The following MCM3 variants were observed in gnomAD, a reference collection of about 807,000 sequenced individuals.
The protein encoded by MCM3 is DNA replication licensing factor MCM3.
A neutral mutation model predicts 91.3 loss-of-function variants in MCM3; 59 were observed. The ratio of observed to expected loss-of-function variants is 0.65; its 90% CI spans 0.52 to 0.80. The LOEUF is 0.80. MCM3 is among the 30% of genes least tolerant of loss of function. The pLI, the probability that MCM3 is intolerant of heterozygous loss-of-function variation, is 0.00. For synonymous variants in MCM3, 383 were observed against 379.6 expected (o/e 1.01, Z -0.10); for missense variants, 919 against 1,035.4 (o/e 0.89, Z 1.54).
rs780295277 is a variant in MCM3 at position 52,282,195 on chromosome 6, A to G, written c.401-20T>C. The G allele has an allele frequency of 1.2e-5, 20 of 1,613,704 alleles. No individual in the cohort carries two copies. The highest frequency in any genetic ancestry group is 1.6e-4 in the Middle Eastern group (1 of 6,082). Reference sequence around the variant, plus strand: ...GAGAACCTAGGGATGGAAAATGTGCATATATAAACTCACCCAACTAGACGA... The same window carrying G: ...GAGAACCTAGGGATGGAAAATGTGCGTATATAAACTCACCCAACTAGACGA... On this transcript the variant is annotated intron_variant, in intron 3 of 16. Coordinates refer to ENST00000596288, the MANE Select transcript of MCM3 (RefSeq NM_002388.6).
rs201824068 is a variant in MCM3, at chr6:52,284,650, C to A, written c.25G>T (p.Asp9Tyr). The A allele has an allele frequency of 1.3e-4, 203 of 1,602,394 alleles. No homozygotes were observed. Among genetic ancestry groups the A allele is most frequent in the Non-Finnish European group, 1.6e-4 (189 of 1,175,506 alleles). MAGTVVLD[D>Y]VELREAQRDY... Reference sequence around the variant, plus strand: ...CTCTGAGCCTCCCGCAGCTCCACATCGTCCAGCACCACGGTACCCGCCATG... The same window carrying A: ...CTCTGAGCCTCCCGCAGCTCCACATAGTCCAGCACCACGGTACCCGCCATG... Residue 9 changes from aspartate (D) to tyrosine (Y), a missense_variant, in exon 1 of 17, where the codon GAT becomes TAT. By Grantham distance (160) the Asp-to-Tyr change is radical. This residue lies in a region of MCM3 where 401 missense variants were observed against 402.7 expected (regional missense o/e 1.00). Coordinates refer to ENST00000596288, the MANE Select transcript of MCM3 (RefSeq NM_002388.6).
intron 2 of MCM3, among the ~76,000 whole-genome samples, chr6:52,283,083 G>A (rs1362990109): frequency 6.7e-6 from 1 of 149,620 alleles, no homozygotes; most frequent in Non-Finnish European, 1.5e-5. Context: ...ATGATATTCA[G>A]CTAAACATTG....
At position 52,267,653 on chromosome 6, in the gene MCM3, G is replaced by A. The variant is rs373605360; in HGVS notation, c.2072+212C>T. Among the ~76,000 whole-genome samples the A allele has an allele frequency of 1.3e-3, 188 of 149,890 alleles. 2 individuals carry two copies. The South Asian group carries it at 0.021, about 17-fold the overall frequency. Reference sequence around the variant, plus strand: ...AGCAATCCTCCGACCCCAGCCTACCGAGCAGCTGGGACCACAAGTGTCCGC... The same window carrying A: ...AGCAATCCTCCGACCCCAGCCTACCAAGCAGCTGGGACCACAAGTGTCCGC... On this transcript the variant is annotated intron_variant, in intron 14 of 16. Transcript: ENST00000596288.
chr6:52,271,932 GTCTT>G (rs1765170153), intron 12 of MCM3, among the ~76,000 whole-genome samples: 1 of 151,742 alleles, frequency 6.6e-6, no homozygotes. Context: ...ATGTACGGAA[GTCTT>G]TCTATCTACC....
chr6:52,270,328 C>CAAAAAAAAAAAAAAAA, intron 12 of MCM3, among the ~76,000 whole-genome samples: 2 of 103,464 alleles, frequency 1.9e-5, no homozygotes, highest in Admixed American at 1.1e-4. Flanking sequence ...GATTCCATCT[C>CAAAAAAAAAAAAAAAA]AAAAAAAAAA....
intron 13 of MCM3, among the ~76,000 whole-genome samples, chr6:52,268,767 CT>C (rs66698003): frequency 3.3e-5 from 5 of 149,290 alleles, no homozygotes; most frequent in South Asian, 2.1e-4. Flanking sequence ...AAAACACCTA[CT>C]TTTTTTTTTA....
At position 52,283,176 on chromosome 6, in the gene MCM3, G is replaced by A. The variant is rs1467542250; in HGVS notation, c.191+118C>T. ...AAAAAAATAGGTGCAGGTGAGCTAC[G>A]AGGGCTTGTAGATCAATCCTGTTTC... is the stretch of plus-strand genomic sequence containing the variant. On this transcript the variant is annotated intron_variant, in intron 2 of 16. Coordinates refer to ENST00000596288, the MANE Select transcript of MCM3 (RefSeq NM_002388.6). 21 of 784,668 alleles carry A rather than the reference G, an allele frequency of 2.7e-5. No individual in the cohort carries two copies. In the East Asian group the frequency reaches 3.9e-4, roughly 14 times the overall value. 48.6% of individuals were successfully genotyped at this position (784,668 alleles called of 1,614,324 possible). A position where few individuals can be genotyped will look rare whatever the true frequency, so the allele number is the denominator to read the frequency against.
Position 52,264,716 on chromosome 6 carries a change from G to T in MCM3, c.2299C>A (p.Arg767Ser). 4 of 1,614,142 alleles carry T rather than the reference G, an allele frequency of 2.5e-6. No homozygotes were observed. Among genetic ancestry groups the T allele is most frequent in the Non-Finnish European group, 3.4e-6 (4 of 1,180,044 alleles). The change falls in exon 17 of 17, where the codon CGC becomes AGC. Residue 767 changes from arginine (R) to serine (S), a missense_variant. Physicochemically the swap from Arg to Ser is moderately radical, Grantham distance 110. Transcript: ENST00000596288. ...EAHAQSIGMN[R>S]LTESINRDSE... is the part of the protein sequence containing the mutation. ...TCCCGGTTGATGGATTCTGTGAGGC[G>T]ATTCATGCCGATTGACTGCGCATGA...
intron 7 of MCM3, 84 bp from the exon 8 acceptor site, chr6:52,277,282 A>C: frequency 6.9e-7 from 1 of 1,446,950 alleles, no homozygotes; most frequent in Non-Finnish European, 9.5e-7. Context: ...AGCTCTTGAC[A>C]CAACAGAGTC....
Position 52,276,279 on chromosome 6 carries a change from C to T in MCM3, c.1363G>A (p.Val455Ile), listed in dbSNP as rs1297070996. The T allele has an allele frequency of 1.2e-6, 2 of 1,611,106 alleles. No individual in the cohort carries two copies. Among genetic ancestry groups the T allele is most frequent in the South Asian group, 1.1e-5 (1 of 90,772 alleles). Reference sequence around the variant, plus strand: ...CTGATTCCACTTACCCTGCCGTAGACAGGGTTGGCAGCTGCCAAAACACTG... The same window carrying T: ...CTGATTCCACTTACCCTGCCGTAGATAGGGTTGGCAGCTGCCAAAACACTG... ...RCSVLAAANP[V>I]YGRYDQYKTP... Residue 455 changes from valine to isoleucine, a missense_variant, in exon 9 of 17, where the codon GTC becomes ATC. By Grantham distance (29) the Val-to-Ile change is conservative. Transcript: ENST00000596288.
chr6:52,272,692 G>C (rs1026246875), intron 11 of MCM3, among the ~76,000 whole-genome samples: 4 of 152,172 alleles, frequency 2.6e-5, no homozygotes, highest in African/African-American at 4.8e-5. Flanking sequence ...CTATTTTGTA[G>C]GTGGGAAAAC....
Position 52,264,528 on chromosome 6 carries a change from A to G in MCM3, c.*60T>C, listed in dbSNP as rs1764482098. 18 of 1,573,332 alleles carry G rather than the reference A, an allele frequency of 1.1e-5. No individual in the cohort carries two copies. In the South Asian group the frequency reaches 2.0e-4, roughly 18 times the overall value. On this transcript the variant is annotated 3_prime_UTR_variant, in exon 17 of 17. Transcript: ENST00000596288. ...AGAGGCAAAGACTTGGGTCAGGGAG[A>G]GGGTGGGAAACACAGAACAAACTCT...
At chr6:52,265,426 A>C (rs1764568917) in intron 16 of MCM3, 1 of 213,620 alleles carries the variant, frequency 4.7e-6, no homozygotes, top group Admixed American at 5.7e-5. Context: ...AAAGTAAAAA[A>C]TAAACACTGC....
chr6:52,267,865 C>A lies in MCM3; in HGVS notation c.2072G>T (p.Arg691Ile). Reference sequence around the variant, plus strand: ...ATCTCATTTGCTTGCCCCACCTTACCTCTTCCTCTTCTGCTCCTGGTCCTC... The same window carrying A: ...ATCTCATTTGCTTGCCCCACCTTACATCTTCCTCTTCTGCTCCTGGTCCTC... ...SQEDQEQKRK[R>I]RKTRQPDAKD... Residue 691 changes from arginine to isoleucine, a missense_variant and splice_region_variant, in exon 14 of 17, where the codon AGA becomes ATA. Physicochemically the swap from Arg to Ile is moderately conservative, Grantham distance 97 (BLOSUM62 -3). Transcript: ENST00000596288. The A allele has an allele frequency of 1.9e-6, 2 of 1,050,260 alleles. No individual in the cohort carries two copies. The highest frequency in any genetic ancestry group is 2.9e-6 in the Non-Finnish European group (2 of 683,824). The allele number at this position is 1,050,260 out of a possible 1,614,324, so 65.1% of individuals were successfully genotyped here.
At chr6:52,277,408 T>C (rs1253266226) in intron 7 of MCM3, 127 bp downstream of exon 7, 6 of 1,106,582 alleles carry the variant, frequency 5.4e-6, no homozygotes, top group Middle Eastern at 3.0e-4. Flanking sequence ...AAAAGATTCA[T>C]TTTAGCCTTT....
chr6:52,278,065 C>T (rs1215621396), intron 6 of MCM3, among the ~76,000 whole-genome samples: 2 of 83,972 alleles, frequency 2.4e-5, no homozygotes, highest in African/African-American at 9.6e-5. Context: ...AAGATTCCGT[C>T]TCACCAAAAA....
chr6:52,273,462 AGGGCCC>A, intron 10 of MCM3, 106 bp from the exon 11 acceptor site: 1 of 1,194,160 alleles, frequency 8.4e-7, no homozygotes, highest in South Asian at 1.4e-5. Flanking sequence ...TCATAAAGAA[AGGGCCC>A]AAAAAGAATC....
In MCM3 at chr6:52,273,750, T is replaced by C. The variant is rs764515115; in HGVS notation, c.1541A>G (p.Asp514Gly). ...MHRYRAPGEQ[D>G]GDAMPLGSAV... ...TATTCTTATGGCCTCACCATCGCCA[T>C]CCTGCTCCCCAGGTGCTCTGTAACG... The change falls in exon 10 of 17, where the codon GAT becomes GGT. Residue 514 changes from aspartate (D) to glycine (G), a missense_variant. Physicochemically the swap from Asp to Gly is moderately conservative, Grantham distance 94. Coordinates refer to ENST00000596288, the MANE Select transcript of MCM3 (RefSeq NM_002388.6). 2.5e-6 allele frequency: 4 copies of C among 1,610,272 alleles called. No individual in the cohort carries two copies. The highest frequency in any genetic ancestry group is 3.4e-6 in the Non-Finnish European group (4 of 1,178,286).
intron 15 of MCM3, 131 bp downstream of exon 15, chr6:52,266,480 C>G: frequency 1.2e-6 from 1 of 818,828 alleles, no homozygotes; most frequent in Non-Finnish European, 2.0e-6. Flanking sequence ...TGGGACAAAC[C>G]TCTTGGACAT....
Sources: allele counts gnomAD v4.1 joint callset (sites outside exome capture counted in the v4.1 genomes callset), GRCh38; gene constraint gnomAD v4.1.1; regional missense constraint gnomAD v4.1.1; transcripts MANE v1.5; gene names NCBI Gene and HGNC (gene_info 2026-07-23, HGNC 2026-07-21).